PRKCE: variants seen among roughly 807,000 people sequenced by gnomAD.
PRKCE encodes protein kinase C epsilon type.
In PRKCE, 16 loss-of-function variants were observed where a neutral mutation model predicts 85.4. The ratio of observed to expected loss-of-function variants is 0.19; its 90% confidence interval spans 0.13 to 0.28. The LOEUF (loss-of-function observed/expected upper bound fraction) is 0.28. PRKCE is among the 10% of genes least tolerant of loss of function. PRKCE has a pLI of 1.00. For synonymous variants in PRKCE, 388 were observed against 371.5 expected (o/e 1.04, Z -0.51); for missense variants, 573 against 975.2 (o/e 0.59, Z 5.49).
At chr2:46,038,162 A>G (rs146646392) in intron 10 of PRKCE, among the ~76,000 whole-genome samples, 18 of 152,200 alleles carry the variant, frequency 1.2e-4, no homozygotes, top group Admixed American at 7.9e-4. Context: ...TAAGCCATTT[A>G]TAGTCTTGGT....
intron 1 of PRKCE, among the ~76,000 whole-genome samples, chr2:45,769,388 G>T (rs1184370413): frequency 6.6e-6 from 1 of 152,110 alleles, no homozygotes; most frequent in Non-Finnish European, 1.5e-5. Flanking sequence ...TGGCAGGGCT[G>T]GGAGGGGTGT....
At chr2:45,991,844 C>T (rs759629122) in intron 6 of PRKCE, among the ~76,000 whole-genome samples, 3 of 152,148 alleles carry the variant, frequency 2.0e-5, no homozygotes, top group Non-Finnish European at 4.4e-5. Context: ...TTTTCATTGA[C>T]GTTTAATTTG....
intron 3 of PRKCE, 43 bp from the exon 4 acceptor site, chr2:45,978,933 T>C (rs780588930): frequency 6.3e-7 from 1 of 1,585,572 alleles, no homozygotes; most frequent in African/African-American, 1.3e-5. Context: ...TTTGACCTGG[T>C]AAGATTTCAC....
In PRKCE at chr2:45,727,766, C is replaced by T. The variant is rs559215672; in HGVS notation, c.348+75318C>T. On this transcript the variant is annotated intron_variant, in intron 1 of 14. Transcript: ENST00000306156. The stretch of plus-strand genomic sequence containing the variant: ...GGCTCCTGGGTTCAAGCGATTCTCC[C>T]GCTTCAGCCTCCTGAGTAGCTGGGA... Among the ~76,000 whole-genome samples the T allele has an allele frequency of 5.9e-5, 9 of 152,198 alleles. No individual in the cohort carries two copies. The East Asian group carries it at 7.7e-4, about 13-fold the overall frequency.
chr2:45,935,788 A>AAG (rs895952291), intron 2 of PRKCE, among the ~76,000 whole-genome samples: 2 of 152,006 alleles, frequency 1.3e-5, no homozygotes, highest in Non-Finnish European at 2.9e-5. Flanking sequence ...GTCTCAAAAA[A>AAG]AAAAAAAAAA....
In PRKCE at chr2:46,035,548, G is replaced by A. The variant is rs117133083; in HGVS notation, c.1437+25031G>A. On this transcript the variant is annotated intron_variant, in intron 10 of 14. Transcript: ENST00000306156. ...CCTCCCAGACTTAGGGAAGGAGTGT[G>A]TGAAATGAAAAACCATTAGAGGTCT... Among the ~76,000 whole-genome samples the A allele has an allele frequency of 6.0e-4, 91 of 152,292 alleles. No homozygotes were observed. The East Asian group carries it at 0.016, about 27-fold the overall frequency.
intron 10 of PRKCE, among the ~76,000 whole-genome samples, chr2:46,020,138 C>G (rs1327651633): frequency 6.6e-6 from 1 of 152,152 alleles, no homozygotes; most frequent in African/African-American, 2.4e-5. Flanking sequence ...GTGTGAGCCA[C>G]TGTGCCCGGC....
At chr2:45,992,381 C>CA (rs1387445140) in intron 6 of PRKCE, among the ~76,000 whole-genome samples, 1 of 152,168 alleles carries the variant, frequency 6.6e-6, no homozygotes, top group African/African-American at 2.4e-5. Context: ...ATCAGGACTC[C>CA]AAAATCTCTT....
intron 1 of PRKCE, among the ~76,000 whole-genome samples, chr2:45,825,373 G>C (rs190985948): frequency 2.4e-4 from 36 of 152,368 alleles, no homozygotes; most frequent in Non-Finnish European, 4.4e-5. Context: ...CGGAGCTAAG[G>C]TGTTTAGCGG....
intron 10 of PRKCE, among the ~76,000 whole-genome samples, chr2:46,047,725 T>C (rs1317418227): frequency 6.6e-6 from 1 of 152,242 alleles, no homozygotes; most frequent in Non-Finnish European, 1.5e-5. Flanking sequence ...ACTTAACTCA[T>C]TTATTTTTTA....
chr2:45,969,127 T>C (rs186158474), intron 2 of PRKCE, among the ~76,000 whole-genome samples: 1 of 149,080 alleles, frequency 6.7e-6, no homozygotes, highest in East Asian at 1.9e-4. Context: ...CCTGGAATGT[T>C]GTTGGAGGTT....
At position 45,774,811 on chromosome 2, in the gene PRKCE, C is replaced by T. The variant is rs59272603; in HGVS notation, c.349-68189C>T. Among the ~76,000 whole-genome samples the T allele has an allele frequency of 0.045, 6,874 of 152,222 alleles. 351 individuals carry two copies. Among genetic ancestry groups the T allele is most frequent in the African/African-American group, 0.12 (5,141 of 41,522 alleles). ...TTCCCAGGGCCAGTGCACCCTTTCC[C>T]GTGTGCCTGGGAGTCTCAGTCCTGC... is the stretch of plus-strand genomic sequence containing the variant. On this transcript the variant is annotated intron_variant, in intron 1 of 14. Transcript: ENST00000306156. The surrounding 1 kb of genome is among the most constrained non-coding windows in gnomAD (Gnocchi z 4.3).
chr2:45,836,208 C>T (rs1690863713), intron 1 of PRKCE, among the ~76,000 whole-genome samples: 1 of 152,230 alleles, frequency 6.6e-6, no homozygotes, highest in Non-Finnish European at 1.5e-5. Flanking sequence ...CAGGGATGTA[C>T]ACTGAAGCCT....
intron 2 of PRKCE, among the ~76,000 whole-genome samples, chr2:45,843,335 C>T (rs1356716818): frequency 6.6e-6 from 1 of 152,190 alleles, no homozygotes; most frequent in African/African-American, 2.4e-5. Flanking sequence ...AGGCAGGCTT[C>T]AGTGGCAGGG....
chr2:45,875,648 G>C (rs1189072944), intron 2 of PRKCE, among the ~76,000 whole-genome samples: 1 of 152,168 alleles, frequency 6.6e-6, no homozygotes, highest in African/African-American at 2.4e-5. Context: ...AGACCAGTTG[G>C]GGGTAAAATG....
At chr2:45,747,872 CT>C (rs910468154) in intron 1 of PRKCE, among the ~76,000 whole-genome samples, 16 of 149,848 alleles carry the variant, frequency 1.1e-4, no homozygotes, top group Non-Finnish European at 1.8e-4. Flanking sequence ...ACTTAGTCTT[CT>C]TTTTTTTTTC....
chr2:46,135,313 G>A (rs962850926), intron 11 of PRKCE, among the ~76,000 whole-genome samples: 6 of 152,304 alleles, frequency 3.9e-5, no homozygotes, highest in African/African-American at 1.4e-4. Flanking sequence ...GTGTGGACAC[G>A]ATGTATATTT....
At chr2:45,903,538 C>T (rs1373510588) in intron 2 of PRKCE, among the ~76,000 whole-genome samples, 1 of 152,210 alleles carries the variant, frequency 6.6e-6, no homozygotes, top group Non-Finnish European at 1.5e-5. Context: ...TTCAGATCAA[C>T]TCTGTATAAT....
At chr2:45,699,409 G>A (rs1378842733) in intron 1 of PRKCE, among the ~76,000 whole-genome samples, 2 of 152,182 alleles carry the variant, frequency 1.3e-5, no homozygotes, top group East Asian at 3.9e-4. Flanking sequence ...TCGCTGACTT[G>A]ATCAGAGCTC....
Sources: gnomAD v4.1 joint callset for allele counts (sites outside exome capture counted in the v4.1 genomes callset) on GRCh38, gnomAD v4.1.1 for gene constraint, Gnocchi (gnomAD v3.1) non-coding constraint, MANE v1.5 for transcripts, NCBI Gene and HGNC (gene_info 2026-07-23, HGNC 2026-07-21) for gene names.